The following HUNK variants were observed in gnomAD, a reference collection of about 807,000 sequenced individuals.
HUNK encodes hormonally up-regulated neu tumor-associated kinase.
Under a neutral mutation model 61.0 loss-of-function variants are expected in HUNK, and 21 were observed. The ratio of observed to expected loss-of-function variants is 0.34; its 90% confidence interval spans 0.24 to 0.50. The LOEUF is 0.50. HUNK is among the 20% of genes least tolerant of loss of function. The pLI, the probability that HUNK is intolerant of heterozygous loss-of-function variation, is 0.98. For missense variants in HUNK, 772 were observed against 945.7 expected (o/e 0.82, Z 2.41); for synonymous variants, 371 against 386.1 (o/e 0.96, Z 0.46).
At chr21:31,878,880 TC>T (rs1196005535) in intron 1 of HUNK, among the ~76,000 whole-genome samples, 3 of 152,224 alleles carry the variant, frequency 2.0e-5, no homozygotes, top group Non-Finnish European at 4.4e-5. Context: ...TGATTGAGTC[TC>T]ACTGAGATAC....
Position 31,995,967 on chromosome 21 carries a change from C to G in HUNK, c.1486+19C>G. ...GACAAAGGTGGGTCAGCTCTGGGGA[C>G]TCTCTCAGGCCACTCGTGTTGGGCT... On this transcript the variant is annotated intron_variant, in intron 10 of 10. Coordinates refer to ENST00000270112, the MANE Select transcript of HUNK (RefSeq NM_014586.2). 2.5e-6 allele frequency: 4 copies of G among 1,593,164 alleles called. No individual in the cohort carries two copies. The highest frequency in any genetic ancestry group is 3.4e-6 in the Non-Finnish European group (4 of 1,166,008).
At chr21:31,904,372 G>C (rs1448405016) in intron 1 of HUNK, among the ~76,000 whole-genome samples, 2 of 152,118 alleles carry the variant, frequency 1.3e-5, no homozygotes, top group East Asian at 3.8e-4. Context: ...CTGAGAAAAT[G>C]AAAATCCAAG....
At chr21:31,901,748 G>A (rs2052469483) in intron 1 of HUNK, among the ~76,000 whole-genome samples, 1 of 152,234 alleles carries the variant, frequency 6.6e-6, no homozygotes, top group South Asian at 2.1e-4. Flanking sequence ...GATGTCCATG[G>A]TGTAGAGATA....
At chr21:31,923,415 G>A (rs1401589735) in intron 1 of HUNK, among the ~76,000 whole-genome samples, 3 of 151,340 alleles carry the variant, frequency 2.0e-5, no homozygotes, top group Non-Finnish European at 1.5e-5. Context: ...CTCCAGCCTG[G>A]GCAACAGAGA....
intron 1 of HUNK, among the ~76,000 whole-genome samples, chr21:31,899,595 T>A (rs1406194053): frequency 6.6e-6 from 1 of 152,230 alleles, no homozygotes; most frequent in Non-Finnish European, 1.5e-5. Flanking sequence ...AGGACTTCAA[T>A]GTATCTTTAT....
At chr21:31,962,082 G>A (rs2052932978) in intron 5 of HUNK, among the ~76,000 whole-genome samples, 1 of 152,236 alleles carries the variant, frequency 6.6e-6, no homozygotes, top group Non-Finnish European at 1.5e-5. Flanking sequence ...CATGCAGAGG[G>A]AGAAAGGGAA....
intron 1 of HUNK, among the ~76,000 whole-genome samples, chr21:31,881,090 G>C (rs1464260730): frequency 1.3e-5 from 2 of 152,246 alleles, no homozygotes; most frequent in Non-Finnish European, 2.9e-5. Context: ...CCTGGGGAGA[G>C]CTCACAGCTG....
At chr21:31,959,199 C>T (rs1436125908) in intron 5 of HUNK, among the ~76,000 whole-genome samples, 2 of 152,074 alleles carry the variant, frequency 1.3e-5, no homozygotes, top group African/African-American at 2.4e-5. Flanking sequence ...CTATCTGAAC[C>T]CCTAACTTCT....
intron 1 of HUNK, among the ~76,000 whole-genome samples, chr21:31,881,118 C>G (rs8127535): frequency 0.34 from 51,877 of 151,956 alleles, 9,288 homozygotes; most frequent in Middle Eastern, 0.46. Context: ...GCAGCTGAGG[C>G]AGTCAGTTCT....
At chr21:31,994,834 T>C (rs1439655738) in intron 9 of HUNK, among the ~76,000 whole-genome samples, 1 of 152,206 alleles carries the variant, frequency 6.6e-6, no homozygotes, top group African/African-American at 2.4e-5. Context: ...TATATTCTAG[T>C]ACAACGAAGG....
chr21:31,958,031 C>T (rs77453958), intron 4 of HUNK, among the ~76,000 whole-genome samples: 2,456 of 152,212 alleles, frequency 0.016, 68 homozygotes, highest in African/African-American at 0.057. Context: ...TTCCAGGTAC[C>T]ACCTTGTAAG....
chr21:31,952,025 A>AT (rs66539485), intron 4 of HUNK, among the ~76,000 whole-genome samples: 32,216 of 150,574 alleles, frequency 0.21, 4,611 homozygotes, highest in African/African-American at 0.4. Flanking sequence ...AAAGTACGAG[A>AT]TTTTTTTTTT....
Position 31,999,128 on chromosome 21 carries a change from CT to C in HUNK, c.2090del (p.Leu697GlnfsTer4), listed in dbSNP as rs1409731268. 2.5e-6 allele frequency: 4 copies of C among 1,614,090 alleles called. No individual in the cohort carries two copies. Among genetic ancestry groups the C allele is most frequent in the Non-Finnish European group, 3.4e-6 (4 of 1,179,956 alleles). On this transcript the variant is annotated frameshift_variant, in exon 11 of 11. Transcript: ENST00000270112. LOFTEE classifies it high-confidence loss of function. ...GGCCAGCCTGCCCCCACTGCAGCCCCTAGCCCCTGTGAACCTTGCCTTTGAC... is the reference window on the plus strand; with the variant it reads ...GGCCAGCCTGCCCCCACTGCAGCCCCAGCCCCTGTGAACCTTGCCTTTGAC... ...LEASLPPLQPLAPVNLAFDMA... is the reference protein window; with the variant it reads ...LEASLPPLQPXAPVNLAFDMA...
At chr21:31,984,335 ATT>A (rs1178206177) in intron 8 of HUNK, among the ~76,000 whole-genome samples, 1 of 152,206 alleles carries the variant, frequency 6.6e-6, no homozygotes, top group African/African-American at 2.4e-5. Flanking sequence ...TGGAAATATC[ATT>A]CTCTGTCCCA....
Position 31,990,150 on chromosome 21 carries a change from C to T in HUNK, c.1279C>T (p.Arg427Ter), listed in dbSNP as rs770233901. Residue 427 changes from arginine (R) to a stop codon, truncating the protein, a stop_gained, in exon 9 of 11, where the codon CGA becomes TGA. Coordinates refer to ENST00000270112, the MANE Select transcript of HUNK (RefSeq NM_014586.2). LOFTEE classifies it high-confidence loss of function. ...SYEASLDTWTRDLEFHAVQDK... is the reference protein window; with the variant it reads ...SYEASLDTWT ...ACAGGCCTCTCTGGACACCTGGACACGAGATCTTGAATTCCATGCCGTGCA... is the reference window on the plus strand; with the variant it reads ...ACAGGCCTCTCTGGACACCTGGACATGAGATCTTGAATTCCATGCCGTGCA... 5.0e-6 allele frequency: 8 copies of T among 1,613,940 alleles called. No homozygotes were observed. Among genetic ancestry groups the T allele is most frequent in the Non-Finnish European group, 6.8e-6 (8 of 1,179,890 alleles).
intron 1 of HUNK, among the ~76,000 whole-genome samples, chr21:31,896,898 A>G (rs974236741): frequency 7.2e-5 from 11 of 152,358 alleles, no homozygotes; most frequent in African/African-American, 2.2e-4. Context: ...TGCTAGTAGC[A>G]TGATGTCATG....
At chr21:31,927,622 C>T (rs922529156) in intron 2 of HUNK, among the ~76,000 whole-genome samples, 1 of 151,034 alleles carries the variant, frequency 6.6e-6, no homozygotes, top group Non-Finnish European at 1.5e-5. Context: ...CCAGCCTGGA[C>T]AACAGAGCGA....
chr21:31,972,040 C>T (rs2053015352), intron 6 of HUNK, among the ~76,000 whole-genome samples: 1 of 152,062 alleles, frequency 6.6e-6, no homozygotes, highest in African/African-American at 2.4e-5. Flanking sequence ...CTGTGTTGCC[C>T]AGGCTGGTCT....
intron 4 of HUNK, among the ~76,000 whole-genome samples, chr21:31,946,674 G>A (rs1452903179): frequency 6.6e-6 from 1 of 151,952 alleles, no homozygotes; most frequent in Non-Finnish European, 1.5e-5. Context: ...GAGTGCAGTC[G>A]TGTGATCTCA....
Sources: gnomAD v4.1 joint callset for allele counts (sites outside exome capture counted in the v4.1 genomes callset) on GRCh38, gnomAD v4.1.1 for gene constraint, MANE v1.5 for transcripts, NCBI Gene and HGNC (gene_info 2026-07-23, HGNC 2026-07-21) for gene names.